GATA1: variants seen among roughly 807,000 people sequenced by gnomAD.
GATA1 encodes GATA binding protein 1.
GATA1 carries 2 observed loss-of-function variants against 18.9 expected under a neutral mutation model. The observed-to-expected ratio is 0.11, with a 90% CI of 0.04 to 0.33. The LOEUF is 0.33. GATA1 is among the 10% of genes least tolerant of loss of function. The probability of loss-of-function intolerance (pLI) is 1.00; values close to 1 mark genes in which losing one functional copy is unlikely to be tolerated. For missense variants in GATA1, 272 were observed against 344.7 expected, an observed-to-expected ratio of 0.79 and a Z score of 1.67; for synonymous variants, 152 against 149.1, an observed-to-expected ratio of 1.02 and a Z score of -0.14.
intron 1 of GATA1, among the ~76,000 whole-genome samples, chrX:48,789,542 T>C (rs2062667405): frequency 9.1e-6 from 1 of 110,070 alleles, no homozygotes; most frequent in African/African-American, 3.3e-5. Flanking sequence ...CCACCCCCAA[T>C]ACAGCAGATG....
chrX:48,794,108 A>C lies in GATA1; in HGVS notation c.1186A>C (p.Thr396Pro). ...LLGSPTGSFP[T>P]GPMPPTTSTT... ...GGGCTCACCCACGGGCTCCTTCCCC[A>C]CAGGCCCCATGCCCCCCACCACCAG... Residue 396 changes from threonine to proline, a missense_variant, in exon 6 of 6, where the codon ACA becomes CCA. Physicochemically the swap from Thr to Pro is conservative, Grantham distance 38 (BLOSUM62 -1). Coordinates refer to ENST00000376670, the MANE Select transcript of GATA1 (RefSeq NM_002049.4). 8.4e-7 allele frequency: 1 copy of C among 1,192,722 alleles called. No homozygotes were observed. Among genetic ancestry groups the C allele is most frequent in the Non-Finnish European group, 1.1e-6 (1 of 886,119 alleles).
At chrX:48,790,289 C>CA (rs1179079415) in intron 1 of GATA1, among the ~76,000 whole-genome samples, 100 of 98,424 alleles carry the variant, frequency 1.0e-3, no homozygotes, top group African/African-American at 2.0e-3. Flanking sequence ...CCCATTTCTA[C>CA]AAAAAAAAAA....
chrX:48,790,057 A>G (rs782396819), intron 1 of GATA1, among the ~76,000 whole-genome samples: 1 of 108,653 alleles, frequency 9.2e-6, no homozygotes, highest in East Asian at 2.9e-4. Flanking sequence ...GGAGATGGGG[A>G]AAGGGAGAAA....
intron 1 of GATA1, among the ~76,000 whole-genome samples, chrX:48,790,313 G>A (rs1462514405): frequency 9.1e-6 from 1 of 109,983 alleles, no homozygotes; most frequent in Non-Finnish European, 1.9e-5. Flanking sequence ...AAACTAGCCA[G>A]GCCTGGTGGC....
At chrX:48,793,643 C>A in intron 5 of GATA1, 150 bp from the exon 6 acceptor site, 1 of 873,119 alleles carries the variant, frequency 1.1e-6, no homozygotes, top group Non-Finnish European at 1.6e-6. Flanking sequence ...TTCCTAAGCT[C>A]AGGGCCTCAC....
Position 48,791,339 on chromosome X carries a change from T to C in GATA1, c.220+10T>C, listed in dbSNP as rs782691816. 38 of 1,183,309 alleles carry C rather than the reference T, an allele frequency of 3.2e-5. No homozygotes were observed. Among genetic ancestry groups the C allele is most frequent in the Non-Finnish European group, 4.0e-5 (35 of 877,469 alleles). On this transcript the variant is annotated intron_variant, in intron 2 of 5. Transcript: ENST00000376670. ...TACAGACACTCCCCAGGTAACTCCA[T>C]TGAGTGGCTGTCTTGGCATTGGCTG... is the stretch of plus-strand genomic sequence containing the variant.
Position 48,794,158 on chromosome X carries a change from C to T in GATA1, c.1236C>T (p.Ser412=), listed in dbSNP as rs781979595. 2.5e-6 allele frequency: 3 copies of T among 1,181,845 alleles called. No individual in the cohort carries two copies. The South Asian group carries it at 5.8e-5, about 23-fold the overall frequency. The stretch of plus-strand genomic sequence containing the variant: ...GCACTACTGTGGTGGCTCCGCTCAG[C>T]TCATGAGGGCACAGAGCATGGCCTC... ...TTSTTVVAPL[S]S is the part of the protein sequence containing the mutation. Residue 412 remains serine (S), a synonymous_variant, in exon 6 of 6, where the codon AGC becomes AGT. Transcript: ENST00000376670.
intron 2 of GATA1, 46 bp downstream of exon 2, chrX:48,791,375 G>A (rs782322842): frequency 9.3e-7 from 1 of 1,070,517 alleles, no homozygotes; most frequent in Non-Finnish European, 1.3e-6. Flanking sequence ...AGTGCTGTTG[G>A]GGTTGCCATG....
chrX:48,791,634 A>G (rs1165339991), intron 2 of GATA1, among the ~76,000 whole-genome samples: 1 of 111,398 alleles, frequency 9.0e-6, no homozygotes, highest in East Asian at 2.8e-4. Context: ...CCACTTGGAA[A>G]TGGTCAGAGG....
intron 1 of GATA1, among the ~76,000 whole-genome samples, chrX:48,789,136 G>A (rs936052509): frequency 7.2e-5 from 8 of 111,101 alleles, no homozygotes; most frequent in African/African-American, 1.6e-4. Flanking sequence ...GCAAAACCTC[G>A]TCTTTACTAA....
intron 2 of GATA1, 131 bp downstream of exon 2, chrX:48,791,460 C>A: frequency 1.6e-6 from 1 of 639,718 alleles, no homozygotes; most frequent in Non-Finnish European, 2.5e-6. Flanking sequence ...AATGGATGTG[C>A]CGACCACTTT....
In GATA1 at chrX:48,793,871, C is replaced by T. The variant is rs781964937; in HGVS notation, c.949C>T (p.Arg317Trp). 9.9e-6 allele frequency: 12 copies of T among 1,207,658 alleles called. No individual in the cohort carries two copies. The highest frequency in any genetic ancestry group is 1.2e-5 in the Non-Finnish European group (11 of 893,300). ...GGCATCTGGAAAAGGGAAAAAGAAACGGGGCTCCAGTCTGGGAGGCACAGG... is the reference window on the plus strand; with the variant it reads ...GGCATCTGGAAAAGGGAAAAAGAAATGGGGCTCCAGTCTGGGAGGCACAGG... ...RKASGKGKKK[R>W]GSSLGGTGAA... Residue 317 changes from arginine (R) to tryptophan (W), a missense_variant, in exon 6 of 6, where the codon CGG becomes TGG. Arg to Trp is a moderately radical substitution (Grantham distance 101). Coordinates refer to ENST00000376670, the MANE Select transcript of GATA1 (RefSeq NM_002049.4).
At chrX:48,790,560 G>A (rs1398433668) in intron 1 of GATA1, among the ~76,000 whole-genome samples, 1 of 108,529 alleles carries the variant, frequency 9.2e-6, no homozygotes, top group African/African-American at 3.4e-5. Flanking sequence ...AAACAGGAAA[G>A]GAGAAGGAGG....
chrX:48,788,854 G>C (rs1449124706), intron 1 of GATA1, among the ~76,000 whole-genome samples: 1 of 110,872 alleles, frequency 9.0e-6, no homozygotes, highest in Non-Finnish European at 1.9e-5. Flanking sequence ...GAGGGAAACA[G>C]AGGGAACAGA....
At chrX:48,789,028 C>T (rs1294234823) in intron 1 of GATA1, among the ~76,000 whole-genome samples, 2 of 112,307 alleles carry the variant, frequency 1.8e-5, no homozygotes, top group East Asian at 2.8e-4. Flanking sequence ...AGAAAGAGGT[C>T]GGGCGCAGTG....
At chrX:48,789,322 AG>A (rs1557019623) in intron 1 of GATA1, among the ~76,000 whole-genome samples, 1 of 110,569 alleles carries the variant, frequency 9.0e-6, no homozygotes, top group East Asian at 2.8e-4. Context: ...AAAAAAAAAA[AG>A]AAAAAGAAAA....
intron 1 of GATA1, among the ~76,000 whole-genome samples, chrX:48,789,301 C>T (rs781948952): frequency 8.5e-5 from 8 of 94,290 alleles, no homozygotes; most frequent in South Asian, 5.1e-4. Flanking sequence ...AGTGAGACTC[C>T]GTCTCAAAAA....
chrX:48,791,527 C>T (rs782145814), intron 2 of GATA1, among the ~76,000 whole-genome samples, 198 bp downstream of exon 2: 30 of 112,052 alleles, frequency 2.7e-4, no homozygotes, highest in African/African-American at 9.7e-4. Flanking sequence ...CATATTGGGG[C>T]GGCCACACTG....
intron 1 of GATA1, 123 bp from the exon 2 acceptor site, chrX:48,790,968 G>C: frequency 2.0e-6 from 1 of 494,177 alleles, no homozygotes; most frequent in South Asian, 2.8e-5. Flanking sequence ...GGGGAGGTGG[G>C]AAGGAGAAAT....
Sources: allele counts gnomAD v4.1 joint callset (sites outside exome capture counted in the v4.1 genomes callset), GRCh38; gene constraint gnomAD v4.1.1; transcripts MANE v1.5; gene names NCBI Gene and HGNC (gene_info 2026-07-23, HGNC 2026-07-21).